ICE2: variants seen among roughly 807,000 people sequenced by gnomAD.
ICE2 encodes the protein interactor of little elongation complex ELL subunit 2, also known as little elongation complex subunit 2.
ICE2 carries 87 observed loss-of-function variants against 105.4 expected under a neutral mutation model. The observed-to-expected ratio is 0.83, with a 90% CI of 0.69 to 0.99. The LOEUF is 0.99. Ranked by LOEUF, ICE2 falls within the 50% of genes least tolerant of loss-of-function variation. The probability of loss-of-function intolerance (pLI) is 0.00; values close to 1 mark genes in which losing one functional copy is unlikely to be tolerated. For synonymous variants in ICE2, 399 were observed against 392.0 expected, an observed-to-expected ratio of 1.02 and a Z score of -0.21; for missense variants, 1,323 against 1,146.7, an observed-to-expected ratio of 1.15 and a Z score of -2.22.
At chr15:60,437,625 G>GC (rs917601287) in intron 12 of ICE2, among the ~76,000 whole-genome samples, 1 of 150,062 alleles carries the variant, frequency 6.7e-6, no homozygotes. Flanking sequence ...GAGCCACTGA[G>GC]CCCGGCTGAA....
chr15:60,426,631 G>A (rs1053545297), intron 15 of ICE2, among the ~76,000 whole-genome samples: 48 of 152,150 alleles, frequency 3.2e-4, no homozygotes, highest in Admixed American at 1.3e-4. Context: ...CACTATTTTA[G>A]TGTCAGTCTA....
chr15:60,456,578 T>TACAC lies in ICE2; in HGVS notation c.666+78_666+79insGTGT, dbSNP rs879176733. On this transcript the variant is annotated intron_variant, in intron 6 of 15. Coordinates refer to ENST00000261520, the MANE Select transcript of ICE2 (RefSeq NM_024611.6). ...AAATAAATAAATAAATATATATATATATATATACACACACACACACACACA... is the reference window on the plus strand; with the variant it reads ...AAATAAATAAATAAATATATATATATACACATATATACACACACACACACACACA... The TACAC allele has an allele frequency of 2.4e-3, 273 of 114,608 alleles. 3 individuals carry two copies. Among genetic ancestry groups the TACAC allele is most frequent in the East Asian group, 0.013 (28 of 2,110 alleles). The allele number at this position is 114,608 out of a possible 1,614,324, so 7.1% of individuals were successfully genotyped here. A position where few individuals can be genotyped will look rare whatever the true frequency, so the allele number is the denominator to read the frequency against.
chr15:60,427,275 G>A (rs1057278964), intron 15 of ICE2, among the ~76,000 whole-genome samples: 1 of 152,222 alleles, frequency 6.6e-6, no homozygotes, highest in Non-Finnish European at 1.5e-5. Context: ...ATACACAAGT[G>A]ATAGATGCTC....
intron 14 of ICE2, among the ~76,000 whole-genome samples, chr15:60,428,905 T>C (rs1033389641): frequency 6.6e-6 from 1 of 152,256 alleles, no homozygotes; most frequent in African/African-American, 2.4e-5. Context: ...TCAGAATAGT[T>C]GATCATTTTC....
chr15:60,469,453 A>G (rs2064523771), intron 3 of ICE2, among the ~76,000 whole-genome samples: 1 of 152,192 alleles, frequency 6.6e-6, no homozygotes, highest in Non-Finnish European at 1.5e-5. Context: ...ACTTAAAAAA[A>G]AACAAAAAAC....
intron 13 of ICE2, among the ~76,000 whole-genome samples, chr15:60,434,170 T>C (rs997802798): frequency 5.9e-5 from 9 of 152,232 alleles, no homozygotes; most frequent in African/African-American, 2.2e-4. Flanking sequence ...TTCCTAGAAG[T>C]TGTGAGATGA....
intron 5 of ICE2, 131 bp from the exon 6 acceptor site, chr15:60,456,925 TAC>T: frequency 2.4e-6 from 1 of 410,612 alleles, no homozygotes. Context: ...AAGCTACTAA[TAC>T]ACACATTGTA....
At chr15:60,424,189 A>C (rs1195393668) in intron 15 of ICE2, among the ~76,000 whole-genome samples, 1 of 152,142 alleles carries the variant, frequency 6.6e-6, no homozygotes, top group Non-Finnish European at 1.5e-5. Flanking sequence ...AGGGAGAAGA[A>C]ATTACATGGA....
chr15:60,456,126 A>C (rs2064103852), intron 6 of ICE2, among the ~76,000 whole-genome samples: 1 of 152,150 alleles, frequency 6.6e-6, no homozygotes, highest in Non-Finnish European at 1.5e-5. Flanking sequence ...ATCAAGGAAC[A>C]AAGTAGTGAC....
At position 60,434,898 on chromosome 15, in the gene ICE2, T is replaced by C. The variant is rs974758404; in HGVS notation, c.2510+1245A>G. 3.3e-5 allele frequency among the ~76,000 whole-genome samples: 5 copies of C among 152,342 alleles called. No homozygotes were observed. The East Asian group carries it at 9.6e-4, about 29-fold the overall frequency. ...CCAAATAGCTAGAAGGGAAGAATTA[T>C]AATGTTCCTAACACAAAGATAAATG... On this transcript the variant is annotated intron_variant, in intron 13 of 15. Coordinates refer to ENST00000261520, the MANE Select transcript of ICE2 (RefSeq NM_024611.6).
intron 5 of ICE2, among the ~76,000 whole-genome samples, chr15:60,458,385 A>G (rs2064184625): frequency 6.6e-6 from 1 of 152,182 alleles, no homozygotes; most frequent in South Asian, 2.1e-4. Context: ...CTATCATTAT[A>G]AAAAATGCCC....
At chr15:60,447,754 CATGA>C in intron 11 of ICE2, 1 of 401,526 alleles carries the variant, frequency 2.5e-6, no homozygotes, top group Non-Finnish European at 4.5e-6. Context: ...ATATTCCAAG[CATGA>C]ATGTTACCGG....
chr15:60,462,080 A>T (rs901336333), intron 5 of ICE2, among the ~76,000 whole-genome samples: 1 of 152,240 alleles, frequency 6.6e-6, no homozygotes, highest in African/African-American at 2.4e-5. Context: ...TTTTTTTAAA[A>T]GTGGTATTTA....
rs1566963316 is a variant in ICE2 at position 60,423,614 on chromosome 15, AG to A, written c.*19del. On this transcript the variant is annotated 3_prime_UTR_variant, in exon 16 of 16. Transcript: ENST00000261520. ...CTGTTATAACTGTTTTTTTAAATTT[AG>A]TTTTCCATGGTACAGTCCTCAAGTT... 6.3e-7 allele frequency: 1 copy of A among 1,583,706 alleles called. No individual in the cohort carries two copies. The highest frequency in any genetic ancestry group is 2.3e-4 in the Middle Eastern group (1 of 4,360).
At chr15:60,456,359 A>T (rs1168536934) in intron 6 of ICE2, among the ~76,000 whole-genome samples, 1 of 149,852 alleles carries the variant, frequency 6.7e-6, no homozygotes, top group African/African-American at 2.4e-5. Flanking sequence ...CCTGGCCAAC[A>T]TGGTGAAATC....
chr15:60,459,474 G>A (rs2064214066), intron 5 of ICE2, among the ~76,000 whole-genome samples: 1 of 152,134 alleles, frequency 6.6e-6, no homozygotes, highest in African/African-American at 2.4e-5. Flanking sequence ...AAACAAAAAT[G>A]GAGACTGTTC....
chr15:60,450,002 T>C (rs956737852), intron 9 of ICE2, among the ~76,000 whole-genome samples, 161 bp from the exon 10 acceptor site: 2 of 152,208 alleles, frequency 1.3e-5, no homozygotes, highest in Non-Finnish European at 2.9e-5. Context: ...AACAAACTAC[T>C]ACCAGCTATT....
At position 60,442,538 on chromosome 15, in the gene ICE2, G is replaced by A. The variant is rs750194693; in HGVS notation, c.2303C>T (p.Pro768Leu). ...CTCTACTTTTGGTAGTACATAAACT[G>A]GAAATTGCTGCAATGCAAAATTATA... ...KKRKKIRRQF[P>L]VYVLPKVEYQ... The change falls in exon 12 of 16, where the codon CCA becomes CTA. Residue 768 changes from proline (P) to leucine (L), a missense_variant. By Grantham distance (98) the Pro-to-Leu change is moderately conservative (BLOSUM62 -3). Transcript: ENST00000261520. The A allele has an allele frequency of 1.3e-6, 2 of 1,561,532 alleles. No individual in the cohort carries two copies.
chr15:60,473,302 G>T (rs969117431), intron 3 of ICE2, among the ~76,000 whole-genome samples: 1 of 151,922 alleles, frequency 6.6e-6, no homozygotes, highest in Non-Finnish European at 1.5e-5. Flanking sequence ...CACACACAGA[G>T]ACAGAGACAG....
Sources: gnomAD v4.1 joint callset for allele counts (sites outside exome capture counted in the v4.1 genomes callset) on GRCh38, gnomAD v4.1.1 for gene constraint, MANE v1.5 for transcripts, NCBI Gene and HGNC (gene_info 2026-07-23, HGNC 2026-07-21) for gene names.